Variants in ADGRD2 observed in about 807,000 individuals in gnomAD.
ADGRD2 encodes G protein-coupled receptor PGR24.
ADGRD2 carries 71 observed loss-of-function variants against 44.4 expected under a neutral mutation model. That is an observed-to-expected ratio of 1.60 (90% CI 1.32 to 1.95). ADGRD2 has a LOEUF of 1.95. ADGRD2 is among the 30% of genes most tolerant of loss of function. ADGRD2 has a pLI of 0.00. For synonymous variants in ADGRD2, 481 were observed against 224.8 expected (o/e 2.14, Z -10.19); for missense variants, 1,039 against 512.4 (o/e 2.03, Z -9.92).
At chr9:124,476,174 G>A (rs1832046186) in intron 19 of ADGRD2, among the ~76,000 whole-genome samples, 183 bp from the exon 23 acceptor site, 1 of 152,292 alleles carries the variant, frequency 6.6e-6, no homozygotes, top group East Asian at 1.9e-4. Context: ...CTAGCTCCCA[G>A]CCACCTCCTG....
At chr9:124,456,824 T>C in intron 7 of ADGRD2, 91 bp downstream of exon 10, 2 of 688,754 alleles carry the variant, frequency 2.9e-6, no homozygotes, top group East Asian at 5.4e-5. Flanking sequence ...CCACAGACAC[T>C]CCATTCTATT....
At chr9:124,457,392 A>G (rs563477090) in intron 7 of ADGRD2, 80 bp from the exon 11 acceptor site, 162 of 501,942 alleles carry the variant, frequency 3.2e-4, no homozygotes, top group South Asian at 1.8e-3. Context: ...GGAAGGAGGG[A>G]TCCAGACCCT....
chr9:124,459,335 T>C (rs1412954742), intron 10 of ADGRD2, among the ~76,000 whole-genome samples: 1 of 151,838 alleles, frequency 6.6e-6, no homozygotes, highest in Non-Finnish European at 1.5e-5. Flanking sequence ...CTACTAAAAA[T>C]ACACAAAAGT....
At chr9:124,458,410 C>G (rs1831658382) in intron 9 of ADGRD2, among the ~76,000 whole-genome samples, 174 bp downstream of exon 12, 1 of 152,226 alleles carries the variant, frequency 6.6e-6, no homozygotes. Flanking sequence ...CGGCTCAACT[C>G]CTGTCTGGGG....
Position 124,452,156 on chromosome 9 carries a change from T to C in ADGRD2, c.68T>C (p.Val23Ala). The change falls in exon 1 of 22, where the codon GTT becomes GCT. Residue 23 changes from valine (V) to alanine (A), a missense_variant and splice_region_variant. Coordinates refer to ENST00000334810, the Ensembl canonical transcript of ADGRD2. Reference sequence around the variant, plus strand: ...AATCAAGGAACCCTTGGGCCCCAGGTTGGTATGAGGGATCCCCCCAGGGAG... The same window carrying C: ...AATCAAGGAACCCTTGGGCCCCAGGCTGGTATGAGGGATCCCCCCAGGGAG... The C allele has an allele frequency of 1.4e-6, 1 of 716,592 alleles. No individual in the cohort carries two copies. The highest frequency in any genetic ancestry group is 2.6e-6 in the Non-Finnish European group (1 of 384,068). 44.4% of individuals were successfully genotyped at this position (716,592 alleles called of 1,614,324 possible).
intron 7 of ADGRD2, 39 bp downstream of exon 10, chr9:124,456,772 A>G (rs1831626015): frequency 1.4e-6 from 1 of 703,244 alleles, no homozygotes; most frequent in East Asian, 2.7e-5. Context: ...CTGGACTCAG[A>G]CCTCCCTCCT....
intron 17 of ADGRD2, among the ~76,000 whole-genome samples, chr9:124,472,998 C>CT (rs920915001): frequency 1.3e-5 from 2 of 152,238 alleles, no homozygotes; most frequent in African/African-American, 4.8e-5. Context: ...ACATGACCCT[C>CT]TTAGGCTCAG....
At chr9:124,452,794 A>C (rs975050625) in intron 2 of ADGRD2, 72 bp downstream of exon 5, 1 of 666,222 alleles carries the variant, frequency 1.5e-6, no homozygotes, top group African/African-American at 1.8e-5. Context: ...AGGAGCCCAC[A>C]GTGACAATAT....
At chr9:124,458,805 G>A (rs1831669804) in intron 10 of ADGRD2, 84 bp downstream of exon 13, 2 of 669,666 alleles carry the variant, frequency 3.0e-6, no homozygotes, top group Non-Finnish European at 2.8e-6. Context: ...TTTATCCAAT[G>A]GACAACCAAG....
chr9:124,476,325 C>T (rs780045472), intron 19 of ADGRD2, 32 bp from the exon 23 acceptor site: 4 of 681,608 alleles, frequency 5.9e-6, no homozygotes, highest in South Asian at 3.1e-5. Flanking sequence ...TTCCTGCCTT[C>T]GTCTCTCAAA....
At chr9:124,466,024 C>T (rs1831816280) in intron 10 of ADGRD2, 1 of 349,824 alleles carries the variant, frequency 2.9e-6, no homozygotes, top group Non-Finnish European at 5.1e-6. Flanking sequence ...CCCAGTGGCT[C>T]AGTAATTAAT....
At chr9:124,463,872 C>A (rs190387707) in intron 10 of ADGRD2, among the ~76,000 whole-genome samples, 1 of 152,126 alleles carries the variant, frequency 6.6e-6, no homozygotes, top group African/African-American at 2.4e-5. Context: ...GTCTCTCCCT[C>A]TGTTGCCCAG....
intron 21 of ADGRD2, chr9:124,477,145 C>A: frequency 2.2e-6 from 1 of 449,752 alleles, no homozygotes; most frequent in Non-Finnish European, 4.6e-6. Flanking sequence ...GGGAGAAGTG[C>A]TTTCCTCCAA....
At chr9:124,463,038 T>G (rs192608515) in intron 10 of ADGRD2, among the ~76,000 whole-genome samples, 2 of 152,248 alleles carry the variant, frequency 1.3e-5, no homozygotes, top group East Asian at 3.9e-4. Flanking sequence ...TGGATCAATG[T>G]TGAATTGGAG....
At chr9:124,467,915 G>C in intron 12 of ADGRD2, 91 bp downstream of exon 15, 1 of 706,410 alleles carries the variant, frequency 1.4e-6, no homozygotes, top group South Asian at 1.5e-5. Context: ...GTCCATCCTT[G>C]GTCCCAGCAG....
intron 1 of ADGRD2, 25 bp downstream of exon 4, chr9:124,452,179 G>A (rs761626318): frequency 4.0e-5 from 28 of 703,800 alleles, no homozygotes; most frequent in Admixed American, 8.3e-5. Flanking sequence ...TCCCCCCAGG[G>A]AGGGTCCCAG....
At chr9:124,460,115 C>G (rs1265133406) in intron 10 of ADGRD2, among the ~76,000 whole-genome samples, 3 of 151,128 alleles carry the variant, frequency 2.0e-5, no homozygotes, top group Admixed American at 6.6e-5. Flanking sequence ...CACACACCAA[C>G]CACAGCTTAT....
At chr9:124,472,846 C>T (rs1234264408) in intron 17 of ADGRD2, among the ~76,000 whole-genome samples, 1 of 152,224 alleles carries the variant, frequency 6.6e-6, no homozygotes, top group African/African-American at 2.4e-5. Context: ...TCTCCATCTC[C>T]CTGTGCATGA....
At position 124,453,996 on chromosome 9, in the gene ADGRD2, C is replaced by CAGTGCCCTCCGAGG; in HGVS notation, c.930_943dup. 4 of 684,934 alleles carry CAGTGCCCTCCGAGG rather than the reference C, an allele frequency of 5.8e-6. No individual in the cohort carries two copies. The highest frequency in any genetic ancestry group is 1.1e-5 in the Non-Finnish European group (4 of 371,770). The allele number at this position is 684,934 out of a possible 1,614,324, so 42.4% of individuals were successfully genotyped here. A position where few individuals can be genotyped will look rare whatever the true frequency, so the allele number is the denominator to read the frequency against. On this transcript the variant is annotated splice_region_variant and splice_polypyrimidine_tract_variant and intron_variant, in intron 3 of 21. Coordinates refer to ENST00000334810, the Ensembl canonical transcript of ADGRD2. ...GCCCTGACAGCTCCCCTGCCCCTGC[C>CAGTGCCCTCCGAGG]AGTGCCCTCCGAGGAGTGCCCTACG...
Sources: allele counts gnomAD v4.1 joint callset (sites outside exome capture counted in the v4.1 genomes callset), GRCh38; gene constraint gnomAD v4.1.1; transcripts MANE v1.5; gene names NCBI Gene and HGNC (gene_info 2026-07-23, HGNC 2026-07-21).